Variants in FZD6 observed in about 807,000 individuals in gnomAD.
FZD6 encodes the protein frizzled class receptor 6.
Under a neutral mutation model 61.4 loss-of-function variants are expected in FZD6, and 49 were observed. That is an observed-to-expected ratio of 0.80 (90% CI 0.63 to 1.01). The LOEUF (loss-of-function observed/expected upper bound fraction) is 1.01, where lower values mean the gene tolerates loss of function less well. Among genes scored for constraint, FZD6 ranks in the 50% least tolerant of loss-of-function variants. The pLI is 0.00. For missense variants in FZD6, 724 were observed against 848.2 expected, an observed-to-expected ratio of 0.85 and a Z score of 1.82; for synonymous variants, 265 against 292.2, an observed-to-expected ratio of 0.91 and a Z score of 0.95.
intron 2 of FZD6, among the ~76,000 whole-genome samples, chr8:103,312,720 A>G (rs1308018195): frequency 6.6e-6 from 1 of 152,198 alleles, no homozygotes; most frequent in Non-Finnish European, 1.5e-5. Flanking sequence ...GATTGGTATA[A>G]TGAGTTCAAT....
rs1374882408 is a variant in FZD6, at chr8:103,325,086, T to A, written c.980T>A (p.Phe327Tyr). 6.2e-7 allele frequency: 1 copy of A among 1,614,196 alleles called. No homozygotes were observed. The highest frequency in any genetic ancestry group is 1.7e-5 in the Admixed American group (1 of 60,026). ...CEAIEQKAVWFHAVAWGTPGF... is the reference protein window; with the variant it reads ...CEAIEQKAVWYHAVAWGTPGF... The stretch of plus-strand genomic sequence containing the variant: ...GCCATCGAGCAAAAAGCAGTGTGGT[T>A]TCATGCTGTTGCATGGGGAACACCA... Residue 327 changes from phenylalanine to tyrosine, a missense_variant, in exon 4 of 7, where the codon TTT (phenylalanine) becomes TAT (tyrosine). Transcript: ENST00000358755.
chr8:103,299,281 A>AGT (rs1814074645), intron 1 of FZD6, among the ~76,000 whole-genome samples: 1 of 152,208 alleles, frequency 6.6e-6, no homozygotes, highest in Non-Finnish European at 1.5e-5. Context: ...ACCGGGCATC[A>AGT]GTGTGTGTTG....
chr8:103,299,358 C>G, intron 1 of FZD6, among the ~76,000 whole-genome samples: 1 of 152,232 alleles, frequency 6.6e-6, no homozygotes, highest in Non-Finnish European at 1.5e-5. Flanking sequence ...CTTCGCCCTT[C>G]CCCCGGGACA....
chr8:103,300,894 C>T (rs911987935), intron 2 of FZD6, among the ~76,000 whole-genome samples: 2 of 152,106 alleles, frequency 1.3e-5, no homozygotes, highest in East Asian at 3.9e-4. Flanking sequence ...CCTTAGGTGC[C>T]TTAGTTACCT....
intron 5 of FZD6, 44 bp downstream of exon 5, chr8:103,328,460 G>T: frequency 1.5e-6 from 2 of 1,344,072 alleles, no homozygotes; most frequent in Non-Finnish European, 1.1e-6. Flanking sequence ...TAAATAAATA[G>T]ATCAAAATAC....
intron 2 of FZD6, among the ~76,000 whole-genome samples, chr8:103,314,790 A>C (rs1814585080): frequency 6.6e-6 from 1 of 152,168 alleles, no homozygotes; most frequent in Non-Finnish European, 1.5e-5. Context: ...CCGTTCATTT[A>C]CTAAAGCAGA....
chr8:103,313,760 CTG>C (rs58157848), intron 2 of FZD6, among the ~76,000 whole-genome samples: 5,751 of 142,666 alleles, frequency 0.04, 141 homozygotes, highest in East Asian at 0.093. Context: ...CTTGATTTTT[CTG>C]TGTGTGTGTG....
At position 103,324,973 on chromosome 8, in the gene FZD6, G is replaced by C; in HGVS notation, c.867G>C (p.Leu289Phe). ...CTTGCACCGTTTTGTTCATGCTTTT[G>C]TATTTTTTCACAATGGCTGGCACTG... Reference protein sequence around the residue: ...NKACTVLFMLLYFFTMAGTVW... With the variant: ...NKACTVLFMLFYFFTMAGTVW... Residue 289 changes from leucine (L) to phenylalanine (F), a missense_variant, in exon 4 of 7, where the codon TTG becomes TTC. Coordinates refer to ENST00000358755, the MANE Select transcript of FZD6 (RefSeq NM_003506.4). 1.2e-6 allele frequency: 2 copies of C among 1,614,106 alleles called. No individual in the cohort carries two copies. Among genetic ancestry groups the C allele is most frequent in the Non-Finnish European group, 1.7e-6 (2 of 1,180,016 alleles).
At chr8:103,309,581 G>A (rs1040463420) in intron 2 of FZD6, among the ~76,000 whole-genome samples, 1 of 152,138 alleles carries the variant, frequency 6.6e-6, no homozygotes, top group Non-Finnish European at 1.5e-5. Flanking sequence ...GACCTCTAAT[G>A]GTTTTTGTTT....
intron 6 of FZD6, 84 bp downstream of exon 6, chr8:103,330,149 G>A (rs1428254180): frequency 1.6e-6 from 2 of 1,261,666 alleles, no homozygotes; most frequent in Admixed American, 1.8e-5. Context: ...CATTTGGAAA[G>A]CATTTTGTGA....
At chr8:103,325,592 C>A in intron 4 of FZD6, 94 bp downstream of exon 4, 1 of 1,070,002 alleles carries the variant, frequency 9.3e-7, no homozygotes, top group Non-Finnish European at 1.4e-6. Context: ...AAGTTGATTT[C>A]AGGTGAGAAA....
At chr8:103,314,351 A>G (rs1814574992) in intron 2 of FZD6, among the ~76,000 whole-genome samples, 1 of 152,158 alleles carries the variant, frequency 6.6e-6, no homozygotes. Flanking sequence ...AAATTTAGGA[A>G]CTAGGCTTTT....
chr8:103,324,762 CT>C lies in FZD6; in HGVS notation c.662del (p.Leu221Ter), dbSNP rs900910164. On this transcript the variant is annotated frameshift_variant, in exon 4 of 7. Coordinates refer to ENST00000358755, the MANE Select transcript of FZD6 (RefSeq NM_003506.4). LOFTEE classifies it high-confidence loss of function. ...CLCATLFTFL[T>X]FLIDVRRFRY... ...TGTGCAACTCTGTTCACATTCCTTACTTTTTTAATTGATGTTAGAAGATTCA... is the reference window on the plus strand; with the variant it reads ...TGTGCAACTCTGTTCACATTCCTTACTTTTTAATTGATGTTAGAAGATTCA... The C allele has an allele frequency of 3.1e-6, 5 of 1,613,832 alleles. No homozygotes were observed. Among genetic ancestry groups the C allele is most frequent in the Non-Finnish European group, 4.2e-6 (5 of 1,179,864 alleles).
At chr8:103,300,475 G>T (rs1309669510) in intron 2 of FZD6, among the ~76,000 whole-genome samples, 191 bp downstream of exon 2, 4 of 152,194 alleles carry the variant, frequency 2.6e-5, no homozygotes, top group Non-Finnish European at 5.9e-5. Context: ...GCCCTGTTTA[G>T]TAGATTCGTT....
chr8:103,308,954 GCTTTATGT>G (rs368710058), intron 2 of FZD6, among the ~76,000 whole-genome samples: 112 of 152,278 alleles, frequency 7.4e-4, no homozygotes, highest in African/African-American at 2.6e-3. Flanking sequence ...GGCCTCATCA[GCTTTATGT>G]CTTTGATAAG....
chr8:103,325,594 G>C, intron 4 of FZD6, 96 bp downstream of exon 4: 1 of 1,054,314 alleles, frequency 9.5e-7, no homozygotes, highest in Non-Finnish European at 1.5e-6. Flanking sequence ...GTTGATTTCA[G>C]GTGAGAAAAT....
chr8:103,332,608 T>C lies in FZD6; in HGVS notation c.*1099T>C, dbSNP rs1815174311. ...TTTTTATACAACATACTTTAAAATATTAAGGAGTTTTCTTAATTTTGTTTC... is the reference window on the plus strand; with the variant it reads ...TTTTTATACAACATACTTTAAAATACTAAGGAGTTTTCTTAATTTTGTTTC... On this transcript the variant is annotated 3_prime_UTR_variant, in exon 7 of 7. Transcript: ENST00000358755. 1 of 152,612 alleles carries C rather than the reference T, an allele frequency of 6.6e-6. No individual in the cohort carries two copies. The highest frequency in any genetic ancestry group is 1.9e-4 in the East Asian group (1 of 5,196). 9.5% of individuals were successfully genotyped at this position (152,612 alleles called of 1,614,324 possible). A position where few individuals can be genotyped will look rare whatever the true frequency, so the allele number is the denominator to read the frequency against.
chr8:103,308,450 C>T (rs947963419), intron 2 of FZD6, among the ~76,000 whole-genome samples: 1 of 152,126 alleles, frequency 6.6e-6, no homozygotes, highest in Admixed American at 6.5e-5. Context: ...CTGAGACCAT[C>T]TTTCTACTGA....
rs1404324410 is a variant in FZD6 at position 103,332,008 on chromosome 8, C to T, written c.*499C>T. The T allele has an allele frequency of 2.6e-5, 4 of 154,648 alleles. No individual in the cohort carries two copies. The highest frequency in any genetic ancestry group is 5.7e-5 in the Non-Finnish European group (4 of 69,758). 9.6% of individuals were successfully genotyped at this position (154,648 alleles called of 1,614,324 possible). A position where few individuals can be genotyped will look rare whatever the true frequency, so the allele number is the denominator to read the frequency against. On this transcript the variant is annotated 3_prime_UTR_variant, in exon 7 of 7. Coordinates refer to ENST00000358755, the MANE Select transcript of FZD6 (RefSeq NM_003506.4). The stretch of plus-strand genomic sequence containing the variant: ...TTTTAGCACTTTGGTAGCTTTTACA[C>T]TGAATTTCTAAGAAAATTGTAAAAT...
Sources: gnomAD v4.1 joint callset for allele counts (sites outside exome capture counted in the v4.1 genomes callset) on GRCh38, gnomAD v4.1.1 for gene constraint, MANE v1.5 for transcripts, NCBI Gene and HGNC (gene_info 2026-07-23, HGNC 2026-07-21) for gene names.